Variants in PRKAR1B observed in about 807,000 individuals in gnomAD.
PRKAR1B encodes the protein protein kinase cAMP-dependent type I regulatory subunit beta.
In PRKAR1B, 22 loss-of-function variants were observed where a neutral mutation model predicts 46.5. That is an observed-to-expected ratio of 0.47 (90% CI 0.34 to 0.68). The LOEUF is 0.68. Ranked by LOEUF, PRKAR1B falls within the 30% of genes least tolerant of loss-of-function variation. PRKAR1B has a pLI of 0.01. For synonymous variants in PRKAR1B, 259 were observed against 217.7 expected (o/e 1.19, Z -1.67); for missense variants, 445 against 535.6 (o/e 0.83, Z 1.67).
chr7:674,402 G>A lies in PRKAR1B; in HGVS notation c.440+2827C>T, dbSNP rs1331938329. ...CATCTAACTACTCCAGTCATGCCCA[G>A]CTACTCCATGTATACCTAGCTACTC... On this transcript the variant is annotated intron_variant, in intron 4 of 10. Coordinates refer to ENST00000537384, the MANE Select transcript of PRKAR1B (RefSeq NM_001164760.2). 2.6e-5 allele frequency among the ~76,000 whole-genome samples: 4 copies of A among 151,578 alleles called. No individual in the cohort carries two copies. The East Asian group carries it at 5.8e-4, about 22-fold the overall frequency.
intron 4 of PRKAR1B, among the ~76,000 whole-genome samples, chr7:628,029 C>T (rs1021747938): frequency 1.3e-5 from 2 of 151,494 alleles, no homozygotes; most frequent in African/African-American, 2.4e-5. Flanking sequence ...CACAGGGGGA[C>T]AGCGGTGGGG....
intron 2 of PRKAR1B, among the ~76,000 whole-genome samples, chr7:693,434 C>T (rs1365208790): frequency 6.6e-6 from 1 of 151,842 alleles, no homozygotes; most frequent in Non-Finnish European, 1.5e-5. Context: ...CCCCCGACAG[C>T]CCCGAATCGA....
chr7:552,489 C>T (rs1322103732), intron 9 of PRKAR1B, among the ~76,000 whole-genome samples: 1 of 151,050 alleles, frequency 6.6e-6, no homozygotes, highest in Non-Finnish European at 1.5e-5. Context: ...CACCCAAACC[C>T]CCACCTCCCA....
chr7:700,604 C>T (rs1562351460), intron 2 of PRKAR1B, among the ~76,000 whole-genome samples: 2 of 151,636 alleles, frequency 1.3e-5, no homozygotes, highest in Non-Finnish European at 2.9e-5. Context: ...AACTATTTTC[C>T]ATGAAGTGAA....
intron 9 of PRKAR1B, among the ~76,000 whole-genome samples, chr7:570,739 G>A (rs185160989): frequency 1.3e-5 from 2 of 152,186 alleles, no homozygotes; most frequent in East Asian, 1.9e-4. Flanking sequence ...TTCCAACCCC[G>A]GTCAGCAGAG....
Position 647,831 on chromosome 7 carries a change from AC to A in PRKAR1B, c.440+29397del, listed in dbSNP as rs368161982. ...AAAAAAAAAAAAAAAAAAAAAAAAA[AC>A]CTCCTCGCATGTTGTTTTTCAGTTA... On this transcript the variant is annotated intron_variant, in intron 4 of 10. Transcript: ENST00000537384. Among the ~76,000 whole-genome samples the A allele has an allele frequency of 4.2e-4, 62 of 147,278 alleles. 1 individual carries two copies. The highest frequency in any genetic ancestry group is 1.2e-3 in the African/African-American group (47 of 39,586).
At chr7:698,700 G>A (rs1583436491) in intron 2 of PRKAR1B, among the ~76,000 whole-genome samples, 1 of 151,886 alleles carries the variant, frequency 6.6e-6, no homozygotes, top group Non-Finnish European at 1.5e-5. Context: ...CCAGGTGTGC[G>A]CACAGCTATG....
At chr7:570,919 C>T (rs1050694068) in intron 9 of PRKAR1B, among the ~76,000 whole-genome samples, 4 of 152,144 alleles carry the variant, frequency 2.6e-5, no homozygotes, top group African/African-American at 9.7e-5. Context: ...TCCTGCTTCA[C>T]GTCTCTTCCA....
chr7:612,205 CGGAT>C (rs1251700038), intron 4 of PRKAR1B, among the ~76,000 whole-genome samples: 1 of 93,720 alleles, frequency 1.1e-5, no homozygotes, highest in African/African-American at 4.3e-5. Flanking sequence ...AGTAGATCAA[CGGAT>C]GGATGGATGG....
intron 3 of PRKAR1B, 65 bp downstream of exon 3, chr7:680,491 A>T: frequency 6.8e-7 from 1 of 1,470,856 alleles, no homozygotes. Flanking sequence ...GCTTCCAGGG[A>T]GCTCACAGGT....
chr7:698,359 C>T (rs796440355), intron 2 of PRKAR1B, among the ~76,000 whole-genome samples: 35 of 152,244 alleles, frequency 2.3e-4, no homozygotes, highest in Middle Eastern at 3.4e-3. Context: ...TGAGCACAGG[C>T]GAGAGCCCTG....
At position 666,305 on chromosome 7, in the gene PRKAR1B, G is replaced by A. The variant is rs957164340; in HGVS notation, c.440+10924C>T. Among the ~76,000 whole-genome samples the A allele has an allele frequency of 7.2e-5, 10 of 138,322 alleles. No individual in the cohort carries two copies. The highest frequency in any genetic ancestry group is 2.6e-4 in the African/African-American group (8 of 30,620). 90.7% of individuals were successfully genotyped at this position (138,322 alleles called of 152,430 possible). ...GCGGGGCTGCTTCCCTGGGACACACGCTCCAGGGACAGCCTTCATGGTCCT... is the reference window on the plus strand; with the variant it reads ...GCGGGGCTGCTTCCCTGGGACACACACTCCAGGGACAGCCTTCATGGTCCT... On this transcript the variant is annotated intron_variant, in intron 4 of 10. Coordinates refer to ENST00000537384, the MANE Select transcript of PRKAR1B (RefSeq NM_001164760.2). The surrounding 1 kb of genome is among the most constrained non-coding windows in gnomAD (Gnocchi z 4.9).
intron 4 of PRKAR1B, among the ~76,000 whole-genome samples, chr7:630,169 C>T (rs78247275): frequency 0.024 from 3,650 of 152,336 alleles, 158 homozygotes; most frequent in African/African-American, 0.083. Flanking sequence ...CCAGGCACAC[C>T]CCCACCTCCC....
At position 550,436 on chromosome 7, in the gene PRKAR1B, G is replaced by C; in HGVS notation, c.1140C>G (p.Thr380=). 1 of 1,589,004 alleles carries C rather than the reference G, an allele frequency of 6.3e-7. No individual in the cohort carries two copies. Among genetic ancestry groups the C allele is most frequent in the East Asian group, 2.3e-5 (1 of 43,408 alleles). The change falls in exon 11 of 11, where the codon ACC becomes ACG. Residue 380 remains threonine (T), a synonymous_variant. Coordinates refer to ENST00000537384, the MANE Select transcript of PRKAR1B (RefSeq NM_001164760.2). ...IQRYNSFISL[T]V ...TGCAGGGCGGGAGCTGTGCTCAGAC[G>C]GTGAGGGAGATGAAGCTGTTGTAAC... is the stretch of plus-strand genomic sequence containing the variant.
At chr7:663,811 C>T (rs1330053575) in intron 4 of PRKAR1B, among the ~76,000 whole-genome samples, 1 of 152,130 alleles carries the variant, frequency 6.6e-6, no homozygotes, top group Non-Finnish European at 1.5e-5. Context: ...CAGCCACACA[C>T]CTGACCCCAA....
At chr7:616,480 T>A (rs1034892994) in intron 4 of PRKAR1B, among the ~76,000 whole-genome samples, 2 of 152,140 alleles carry the variant, frequency 1.3e-5, no homozygotes, top group Admixed American at 6.5e-5. Context: ...GAGCCCAGGG[T>A]CTCTCCGGAG....
At chr7:561,718 A>G (rs935675990) in intron 9 of PRKAR1B, among the ~76,000 whole-genome samples, 4 of 152,232 alleles carry the variant, frequency 2.6e-5, no homozygotes, top group Admixed American at 2.6e-4. Flanking sequence ...GAGCCGCCCA[A>G]GGTCAGCTCC....
chr7:611,483 A>G (rs1381946961), intron 4 of PRKAR1B, among the ~76,000 whole-genome samples: 1 of 152,236 alleles, frequency 6.6e-6, no homozygotes, highest in African/African-American at 2.4e-5. Flanking sequence ...CCTGTGGCTC[A>G]GAGATCACAA....
At chr7:660,509 A>C in intron 4 of PRKAR1B, among the ~76,000 whole-genome samples, 1 of 101,478 alleles carries the variant, frequency 9.9e-6, no homozygotes, top group Non-Finnish European at 2.0e-5. Flanking sequence ...AGATCCAAAT[A>C]CCTACTCTCC....
Sources: gnomAD v4.1 joint callset for allele counts (sites outside exome capture counted in the v4.1 genomes callset) on GRCh38, gnomAD v4.1.1 for gene constraint, Gnocchi (gnomAD v3.1) non-coding constraint, MANE v1.5 for transcripts, NCBI Gene and HGNC (gene_info 2026-07-23, HGNC 2026-07-21) for gene names.